Variants in LETM1 observed in about 807,000 individuals in gnomAD.
LETM1 encodes mitochondrial proton/calcium exchanger protein.
In LETM1, 50 loss-of-function variants were observed where a neutral mutation model predicts 74.5. That is an observed-to-expected ratio of 0.67 (90% CI 0.53 to 0.85). LETM1 has a LOEUF of 0.85. LETM1 is among the 40% of genes least tolerant of loss of function. The pLI is 0.00. For synonymous variants in LETM1, 446 were observed against 407.1 expected (o/e 1.10, Z -1.15); for missense variants, 824 against 967.8 (o/e 0.85, Z 1.97).
Position 1,814,377 on chromosome 4 carries a change from G to T in LETM1, c.*47C>A. On this transcript the variant is annotated 3_prime_UTR_variant, in exon 14 of 14. Coordinates refer to ENST00000302787, the MANE Select transcript of LETM1 (RefSeq NM_012318.3). ...CAAAGCAATCGCCCTCACGGCCCTT[G>T]CCAGGGTGACGGCACAGCAGGAGGA... 6.2e-7 allele frequency: 1 copy of T among 1,613,224 alleles called. No individual in the cohort carries two copies. Among genetic ancestry groups the T allele is most frequent in the Non-Finnish European group, 8.5e-7 (1 of 1,179,240 alleles).
chr4:1,834,627 A>G lies in LETM1; in HGVS notation c.876+218T>C. 1 of 1,383,556 alleles carries G rather than the reference A, an allele frequency of 7.2e-7. No individual in the cohort carries two copies. Among genetic ancestry groups the G allele is most frequent in the Non-Finnish European group, 9.4e-7 (1 of 1,069,504 alleles). 85.7% of individuals were successfully genotyped at this position (1,383,556 alleles called of 1,614,324 possible). A position where few individuals can be genotyped will look rare whatever the true frequency, so the allele number is the denominator to read the frequency against. On this transcript the variant is annotated intron_variant, in intron 5 of 13. Transcript: ENST00000302787. The surrounding 1 kb of genome is among the most constrained non-coding windows in gnomAD (Gnocchi z 5.0). The stretch of plus-strand genomic sequence containing the variant: ...GAGACACAGACGCCCATAATTCTGA[A>G]GGCTGACGAGGCGCAGCCACCACAG...
intron 2 of LETM1, chr4:1,846,583 T>A (rs1369602174): frequency 6.6e-6 from 1 of 152,238 alleles, no homozygotes; most frequent in Non-Finnish European, 1.5e-5. Context: ...TGTTTTAGTA[T>A]GAAATTTAAA....
At position 1,813,398 on chromosome 4, in the gene LETM1, C is replaced by G. The variant is rs552650960; in HGVS notation, c.*1026G>C. 6.6e-6 allele frequency: 1 copy of G among 152,364 alleles called. No homozygotes were observed. Among genetic ancestry groups the G allele is most frequent in the Non-Finnish European group, 1.5e-5 (1 of 68,064 alleles). The allele number at this position is 152,364 out of a possible 1,614,324, so 9.4% of individuals were successfully genotyped here. On this transcript the variant is annotated 3_prime_UTR_variant, in exon 14 of 14. Coordinates refer to ENST00000302787, the MANE Select transcript of LETM1 (RefSeq NM_012318.3). ...GGTGCCACAGGACACCACCTGCCCACGCCCTGGCCAGCCTGGCCATGCTGC... is the reference window on the plus strand; with the variant it reads ...GGTGCCACAGGACACCACCTGCCCAGGCCCTGGCCAGCCTGGCCATGCTGC...
rs113368632 is a variant in LETM1, at chr4:1,825,534, C to T, written c.1200+30G>A. The stretch of plus-strand genomic sequence containing the variant: ...GCTGATGTTTCCCTTGAGCCCGTGC[C>T]GGCCTGGCACCAGGCCAATATTCAC... On this transcript the variant is annotated intron_variant, in intron 7 of 13. Coordinates refer to ENST00000302787, the MANE Select transcript of LETM1 (RefSeq NM_012318.3). 4.3e-4 allele frequency: 678 copies of T among 1,592,734 alleles called. 4 individuals carry two copies. In the African/African-American group the frequency reaches 8.2e-3, roughly 19 times the overall value.
At position 1,811,485 on chromosome 4, in the gene LETM1, G is replaced by A. The variant is rs1722468503; in HGVS notation, c.*2939C>T. On this transcript the variant is annotated 3_prime_UTR_variant, in exon 14 of 14. Coordinates refer to ENST00000302787, the MANE Select transcript of LETM1 (RefSeq NM_012318.3). Reference sequence around the variant, plus strand: ...ATATTATTACTCTGCACTGTTACAGGAACACAGATTTGATGTTTTAATAAA... The same window carrying A: ...ATATTATTACTCTGCACTGTTACAGAAACACAGATTTGATGTTTTAATAAA... 1 of 152,406 alleles carries A rather than the reference G, an allele frequency of 6.6e-6. No individual in the cohort carries two copies. The highest frequency in any genetic ancestry group is 2.1e-4 in the South Asian group (1 of 4,834). 9.4% of individuals were successfully genotyped at this position (152,406 alleles called of 1,614,324 possible). A position where few individuals can be genotyped will look rare whatever the true frequency, so the allele number is the denominator to read the frequency against.
rs1722472169 is a variant in LETM1, at chr4:1,811,597, A to G, written c.*2827T>C. Reference sequence around the variant, plus strand: ...CGTAGGACCCCTGAAGGATTTACAAAGACAGAGCCGGCTCACCAGCACACT... The same window carrying G: ...CGTAGGACCCCTGAAGGATTTACAAGGACAGAGCCGGCTCACCAGCACACT... On this transcript the variant is annotated 3_prime_UTR_variant, in exon 14 of 14. Transcript: ENST00000302787. 1 of 152,390 alleles carries G rather than the reference A, an allele frequency of 6.6e-6. No individual in the cohort carries two copies. The highest frequency in any genetic ancestry group is 1.5e-5 in the Non-Finnish European group (1 of 68,060). The allele number at this position is 152,390 out of a possible 1,614,324, so 9.4% of individuals were successfully genotyped here. A position where few individuals can be genotyped will look rare whatever the true frequency, so the allele number is the denominator to read the frequency against.
chr4:1,813,388 C>G lies in LETM1; in HGVS notation c.*1036G>C, dbSNP rs1577306084. On this transcript the variant is annotated 3_prime_UTR_variant, in exon 14 of 14. Coordinates refer to ENST00000302787, the MANE Select transcript of LETM1 (RefSeq NM_012318.3). ...GGAGGATGGAGGTGCCACAGGACACCACCTGCCCACGCCCTGGCCAGCCTG... is the reference window on the plus strand; with the variant it reads ...GGAGGATGGAGGTGCCACAGGACACGACCTGCCCACGCCCTGGCCAGCCTG... 1 of 152,480 alleles carries G rather than the reference C, an allele frequency of 6.6e-6. No individual in the cohort carries two copies. The highest frequency in any genetic ancestry group is 1.5e-5 in the Non-Finnish European group (1 of 68,050). The allele number at this position is 152,480 out of a possible 1,614,324, so 9.4% of individuals were successfully genotyped here.
chr4:1,846,941 C>T (rs1257819156), intron 2 of LETM1, among the ~76,000 whole-genome samples: 2 of 152,104 alleles, frequency 1.3e-5, no homozygotes, highest in Non-Finnish European at 2.9e-5. Flanking sequence ...TAGCAACTTA[C>T]GGGACAGCAA....
Position 1,841,460 on chromosome 4 carries a change from G to T in LETM1, c.481C>A (p.Leu161Met). 1 of 1,614,262 alleles carries T rather than the reference G, an allele frequency of 6.2e-7. No homozygotes were observed. The highest frequency in any genetic ancestry group is 8.5e-7 in the Non-Finnish European group (1 of 1,180,046). ...CGGAAGCCATGGTAGTAGTGCTTCAGCTCGTCCAGCACCCGCTGCCCCAGG... is the reference window on the plus strand; with the variant it reads ...CGGAAGCCATGGTAGTAGTGCTTCATCTCGTCCAGCACCCGCTGCCCCAGG... ...KSLGQRVLDE[L>M]KHYYHGFRLL... The change falls in exon 3 of 14, where the codon CTG (leucine) becomes ATG (methionine). Residue 161 changes from leucine to methionine, a missense_variant. By Grantham distance (15) the Leu-to-Met change is conservative. Around this residue, in one of 4 missense-constraint regions of LETM1, gnomAD observed 269 missense variants for 348.8 expected, o/e 0.77. Transcript: ENST00000302787.
chr4:1,837,852 G>A (rs760601202), intron 3 of LETM1, among the ~76,000 whole-genome samples: 5 of 151,708 alleles, frequency 3.3e-5, no homozygotes, highest in Non-Finnish European at 7.4e-5. Context: ...ACAGACATGC[G>A]CCACCACGCC....
At chr4:1,817,139 G>C (rs1422968444) in intron 11 of LETM1, among the ~76,000 whole-genome samples, 1 of 151,904 alleles carries the variant, frequency 6.6e-6, no homozygotes, top group Admixed American at 6.6e-5. Context: ...CAGTTACTTG[G>C]GAGGCTGAGG....
chr4:1,813,930 T>G lies in LETM1; in HGVS notation c.*494A>C. 5.7e-6 allele frequency: 1 copy of G among 175,868 alleles called. No homozygotes were observed. The highest frequency in any genetic ancestry group is 1.3e-4 in the East Asian group (1 of 7,690). The allele number at this position is 175,868 out of a possible 1,614,324, so 10.9% of individuals were successfully genotyped here. A position where few individuals can be genotyped will look rare whatever the true frequency, so the allele number is the denominator to read the frequency against. On this transcript the variant is annotated 3_prime_UTR_variant, in exon 14 of 14. Coordinates refer to ENST00000302787, the MANE Select transcript of LETM1 (RefSeq NM_012318.3). ...AACTGAAAGTGTGCAGGAAGACAGG[T>G]CTATTGACACTGAAATCTAGAAATC...
At position 1,836,828 on chromosome 4, in the gene LETM1, C is replaced by G. The variant is rs564817773; in HGVS notation, c.595-256G>C. On this transcript the variant is annotated intron_variant, in intron 3 of 13. Transcript: ENST00000302787. This position sits in a 1 kb window ranked among gnomAD's most constrained non-coding sequence, Gnocchi z 5.8. ...CTGACACCAAGGGCCACTGGGTGCTCCCAGCGATCGAGTCCTCCGAGGACA... is the reference window on the plus strand; with the variant it reads ...CTGACACCAAGGGCCACTGGGTGCTGCCAGCGATCGAGTCCTCCGAGGACA... 6.6e-6 allele frequency among the ~76,000 whole-genome samples: 1 copy of G among 152,202 alleles called. No homozygotes were observed. The highest frequency in any genetic ancestry group is 6.5e-5 in the Admixed American group (1 of 15,284).
chr4:1,823,503 T>A, intron 8 of LETM1, 141 bp downstream of exon 8: 1 of 749,552 alleles, frequency 1.3e-6, no homozygotes, highest in Non-Finnish European at 1.9e-6. Flanking sequence ...GGTGGCTGGG[T>A]GGGGGCACTC....
At chr4:1,817,971 T>G (rs977860602) in intron 11 of LETM1, among the ~76,000 whole-genome samples, 1 of 152,138 alleles carries the variant, frequency 6.6e-6, no homozygotes, top group African/African-American at 2.4e-5. Context: ...GCAGAAATGG[T>G]GTTTCACCAT....
chr4:1,821,393 A>G (rs1382254852), intron 10 of LETM1, among the ~76,000 whole-genome samples: 6 of 151,108 alleles, frequency 4.0e-5, no homozygotes, highest in African/African-American at 1.5e-4. Flanking sequence ...CGCCTGGCCA[A>G]ATTTTTTTTT....
chr4:1,822,981 C>A lies in LETM1; in HGVS notation c.1476+7G>T. ...CCCACGCGGCACGGAGCAGGACCAC[C>A]GCTTACCGCCACCTCCGAGCGCTTC... On this transcript the variant is annotated splice_region_variant and intron_variant, in intron 9 of 13. Transcript: ENST00000302787. 1 of 1,551,846 alleles carries A rather than the reference C, an allele frequency of 6.4e-7. No individual in the cohort carries two copies. Among genetic ancestry groups the A allele is most frequent in the East Asian group, 2.4e-5 (1 of 42,092 alleles).
intron 6 of LETM1, 100 bp downstream of exon 6, chr4:1,832,644 C>A (rs1385474047): frequency 2.3e-4 from 279 of 1,190,070 alleles, no homozygotes; most frequent in Non-Finnish European, 2.5e-4. Context: ...GATCGTTCAG[C>A]ATCTTCCAGA....
intron 3 of LETM1, among the ~76,000 whole-genome samples, chr4:1,840,178 G>C (rs570525209): frequency 6.6e-6 from 1 of 152,220 alleles, no homozygotes; most frequent in Non-Finnish European, 1.5e-5. Flanking sequence ...AGGAGTTCGA[G>C]AGCAGCCTGG....
Sources: allele counts gnomAD v4.1 joint callset (sites outside exome capture counted in the v4.1 genomes callset), GRCh38; gene constraint gnomAD v4.1.1; regional missense constraint gnomAD v4.1.1; non-coding constraint Gnocchi (gnomAD v3.1); transcripts MANE v1.5; gene names NCBI Gene and HGNC (gene_info 2026-07-23, HGNC 2026-07-21).